Variants in BIRC6 observed in about 807,000 individuals in gnomAD.
BIRC6 encodes baculoviral IAP repeat containing 6.
In BIRC6, 98 loss-of-function variants were observed where a neutral mutation model predicts 503.3. That is an observed-to-expected ratio of 0.19 (90% CI 0.17 to 0.23). BIRC6 has a LOEUF of 0.23. Ranked by LOEUF, BIRC6 falls within the 10% of genes least tolerant of loss-of-function variation. The probability of loss-of-function intolerance (pLI) is 1.00; values close to 1 mark genes in which losing one functional copy is unlikely to be tolerated. For synonymous variants in BIRC6, 2,240 were observed against 2,078.7 expected (o/e 1.08, Z -2.11); for missense variants, 5,360 against 5,806.0 (o/e 0.92, Z 2.50).
At chr2:32,499,524 TC>T in intron 45 of BIRC6, 22 bp from the exon 46 acceptor site, 5 of 432,468 alleles carry the variant, frequency 1.2e-5, no homozygotes, top group Admixed American at 1.1e-4. Flanking sequence ...TCTTTTTCTG[TC>T]TCTCTCTCTC....
chr2:32,469,656 G>T, intron 30 of BIRC6, 42 bp downstream of exon 30: 2 of 1,489,900 alleles, frequency 1.3e-6, no homozygotes, highest in African/African-American at 1.4e-5. Flanking sequence ...TTAATGATGT[G>T]TACTTTTCAC....
At chr2:32,527,713 A>G (rs541522172) in intron 59 of BIRC6, 2 of 152,518 alleles carry the variant, frequency 1.3e-5, no homozygotes, top group East Asian at 3.9e-4. Flanking sequence ...TGTAAAAAAT[A>G]TACCTTCAGA....
intron 49 of BIRC6, among the ~76,000 whole-genome samples, chr2:32,504,288 C>T (rs2053557421): frequency 6.6e-6 from 1 of 151,862 alleles, no homozygotes; most frequent in Non-Finnish European, 1.5e-5. Flanking sequence ...TTTTTCTTTT[C>T]ATATTTCTAA....
At chr2:32,513,177 T>A in intron 54 of BIRC6, 23 bp downstream of exon 54, 1 of 1,577,860 alleles carries the variant, frequency 6.3e-7, no homozygotes, top group Non-Finnish European at 8.7e-7. Flanking sequence ...TGTGAAATCT[T>A]TTTTATCCCC....
At chr2:32,410,731 C>T (rs1382772472) in intron 9 of BIRC6, among the ~76,000 whole-genome samples, 17 of 150,558 alleles carry the variant, frequency 1.1e-4, no homozygotes, top group Admixed American at 4.0e-4. Flanking sequence ...AATGGAGTCT[C>T]GCTCTGTCGC....
At chr2:32,604,953 G>A (rs1433133162) in intron 71 of BIRC6, among the ~76,000 whole-genome samples, 3 of 149,458 alleles carry the variant, frequency 2.0e-5, no homozygotes, top group Admixed American at 2.0e-4. Context: ...CACAACCTTG[G>A]CTTACTACAA....
chr2:32,448,732 A>C (rs1344044198), intron 21 of BIRC6, 63 bp from the exon 22 acceptor site: 10 of 1,509,024 alleles, frequency 6.6e-6, no homozygotes, highest in Non-Finnish European at 9.1e-7. Context: ...AAAACTAAGT[A>C]AAGGTAATTT....
chr2:32,607,026 A>T (rs990375616), intron 71 of BIRC6, among the ~76,000 whole-genome samples: 17 of 151,622 alleles, frequency 1.1e-4, no homozygotes, highest in Admixed American at 6.6e-4. Flanking sequence ...AAAAAAAAAA[A>T]TAGTACATGG....
intron 10 of BIRC6, among the ~76,000 whole-genome samples, chr2:32,424,804 C>T (rs1418571053): frequency 1.3e-5 from 2 of 152,140 alleles, no homozygotes; most frequent in African/African-American, 4.8e-5. Flanking sequence ...TGAGCCACCG[C>T]GTCTGGCCTA....
Position 32,371,543 on chromosome 2 carries a change from T to A in BIRC6, c.326-6045T>A, listed in dbSNP as rs546622581. Reference sequence around the variant, plus strand: ...GTTCATGCCGCCATGCCCGGCTAATTTTTTGTATTTTAGTAGAGACAAAAT... The same window carrying A: ...GTTCATGCCGCCATGCCCGGCTAATATTTTGTATTTTAGTAGAGACAAAAT... On this transcript the variant is annotated intron_variant, in intron 1 of 73. Transcript: ENST00000421745. Among the ~76,000 whole-genome samples, 1,168 of 151,936 alleles carry A rather than the reference T, an allele frequency of 7.7e-3. 8 individuals carry two copies. The highest frequency in any genetic ancestry group is 0.02 in the Middle Eastern group (6 of 294).
chr2:32,407,179 C>G (rs1212823673), intron 9 of BIRC6, among the ~76,000 whole-genome samples: 1 of 152,130 alleles, frequency 6.6e-6, no homozygotes, highest in African/African-American at 2.4e-5. Flanking sequence ...GGCTTGGTGG[C>G]TTACGTCGGT....
At chr2:32,484,607 T>G (rs572237886) in intron 39 of BIRC6, among the ~76,000 whole-genome samples, 1 of 152,226 alleles carries the variant, frequency 6.6e-6, no homozygotes, top group African/African-American at 2.4e-5. Flanking sequence ...GTTTATTCGT[T>G]CAGTTTTGAA....
chr2:32,607,599 G>C lies in BIRC6; in HGVS notation c.14215G>C (p.Ala4739Pro). ...CATTCGACAAGCAACAGTTAAGTGG[G>C]CAATGCTAGAACAAATCAGAAACCC... ...GNIRQATVKW[A>P]MLEQIRNPSP... is the part of the protein sequence containing the mutation. The change falls in exon 72 of 74, where the codon GCA (alanine) becomes CCA (proline). Residue 4739 changes from alanine to proline, a missense_variant. Transcript: ENST00000421745. 1 of 1,613,478 alleles carries C rather than the reference G, an allele frequency of 6.2e-7. No individual in the cohort carries two copies. The highest frequency in any genetic ancestry group is 8.5e-7 in the Non-Finnish European group (1 of 1,179,642).
chr2:32,426,742 T>G (rs184569559), intron 10 of BIRC6, among the ~76,000 whole-genome samples: 1 of 152,388 alleles, frequency 6.6e-6, no homozygotes, highest in East Asian at 1.9e-4. Flanking sequence ...GTTCTTTATT[T>G]TTTCAGTGAA....
chr2:32,570,239 G>T (rs1206500016), intron 65 of BIRC6, among the ~76,000 whole-genome samples: 1 of 152,040 alleles, frequency 6.6e-6, no homozygotes, highest in Non-Finnish European at 1.5e-5. Flanking sequence ...AACCATCCTT[G>T]TATCCCTGGG....
intron 10 of BIRC6, among the ~76,000 whole-genome samples, chr2:32,427,959 A>G (rs2043710189): frequency 6.6e-6 from 1 of 152,098 alleles, no homozygotes. Flanking sequence ...TCTCTTCTGT[A>G]TTGTGCAGCT....
At chr2:32,526,527 A>G (rs1223337726) in intron 59 of BIRC6, 1 of 152,256 alleles carries the variant, frequency 6.6e-6, no homozygotes, top group Admixed American at 6.5e-5. Context: ...TAAGTGTGAA[A>G]TGTCTTTCAA....
chr2:32,362,804 T>A (rs941265899), intron 1 of BIRC6, among the ~76,000 whole-genome samples: 3 of 151,834 alleles, frequency 2.0e-5, no homozygotes, highest in South Asian at 2.1e-4. Context: ...TTTTTTTTTT[T>A]AAATTCATCC....
intron 45 of BIRC6, among the ~76,000 whole-genome samples, chr2:32,494,736 T>TA (rs973989734): frequency 4.7e-5 from 7 of 149,278 alleles, no homozygotes; most frequent in East Asian, 2.0e-4. Flanking sequence ...ACCCCTTCTC[T>TA]AAAAAAAAAG....
Sources: gnomAD v4.1 joint callset for allele counts (sites outside exome capture counted in the v4.1 genomes callset) on GRCh38, gnomAD v4.1.1 for gene constraint, MANE v1.5 for transcripts, NCBI Gene and HGNC (gene_info 2026-07-23, HGNC 2026-07-21) for gene names.